Variants in KCNQ3 observed in about 807,000 individuals in gnomAD.
KCNQ3 encodes the protein potassium voltage-gated channel subfamily KQT member 3.
Under a neutral mutation model 92.5 loss-of-function variants are expected in KCNQ3, and 30 were observed. That is an observed-to-expected ratio of 0.32 (90% CI 0.24 to 0.44). KCNQ3 has a LOEUF of 0.44. Ranked by LOEUF, KCNQ3 falls within the 20% of genes least tolerant of loss-of-function variation. The pLI is 1.00. For synonymous variants in KCNQ3, 450 were observed against 468.8 expected, an observed-to-expected ratio of 0.96 and a Z score of 0.52; for missense variants, 913 against 1,140.3, an observed-to-expected ratio of 0.80 and a Z score of 2.87.
At chr8:132,170,742 T>C (rs1412163988) in intron 7 of KCNQ3, among the ~76,000 whole-genome samples, 1 of 151,564 alleles carries the variant, frequency 6.6e-6, no homozygotes, top group Non-Finnish European at 1.5e-5. Context: ...GCCGGTGCTA[T>C]GGCTCACGCC....
At chr8:132,188,214 G>A (rs1827061130) in intron 1 of KCNQ3, among the ~76,000 whole-genome samples, 1 of 152,154 alleles carries the variant, frequency 6.6e-6, no homozygotes, top group South Asian at 2.1e-4. Flanking sequence ...TCTGCCTAGA[G>A]CTCACCATGA....
intron 1 of KCNQ3, among the ~76,000 whole-genome samples, chr8:132,301,796 G>C (rs1468383465): frequency 6.6e-6 from 1 of 152,164 alleles, no homozygotes; most frequent in Non-Finnish European, 1.5e-5. Flanking sequence ...GGCACATTGA[G>C]ACTGAGACTG....
intron 1 of KCNQ3, among the ~76,000 whole-genome samples, chr8:132,445,158 G>A (rs1277230785): frequency 6.6e-6 from 1 of 152,150 alleles, no homozygotes; most frequent in Non-Finnish European, 1.5e-5. Flanking sequence ...AAAAGGGGTG[G>A]ACTGACATTT....
intron 1 of KCNQ3, among the ~76,000 whole-genome samples, chr8:132,354,657 T>G (rs2130710850): frequency 6.6e-6 from 1 of 152,348 alleles, no homozygotes; most frequent in Non-Finnish European, 1.5e-5. Context: ...GAGCCAATGC[T>G]ACTTCTGATG....
intron 1 of KCNQ3, among the ~76,000 whole-genome samples, chr8:132,369,458 A>G (rs1384873216): frequency 1.3e-5 from 2 of 152,126 alleles, no homozygotes; most frequent in Non-Finnish European, 1.5e-5. Context: ...CCCATTGTCC[A>G]ATAAAAGAAA....
chr8:132,213,006 C>A (rs1042514378), intron 1 of KCNQ3, among the ~76,000 whole-genome samples: 1 of 152,152 alleles, frequency 6.6e-6, no homozygotes, highest in Non-Finnish European at 1.5e-5. Context: ...GTTCAGGACA[C>A]CTGCATGACA....
chr8:132,335,899 A>C (rs1586936703), intron 1 of KCNQ3, among the ~76,000 whole-genome samples: 1 of 152,078 alleles, frequency 6.6e-6, no homozygotes, highest in African/African-American at 2.4e-5. Flanking sequence ...GGACTCCTGC[A>C]CCTGCCTGTG....
At chr8:132,472,562 C>T (rs568404976) in intron 1 of KCNQ3, among the ~76,000 whole-genome samples, 12 of 152,044 alleles carry the variant, frequency 7.9e-5, no homozygotes, top group Admixed American at 3.3e-4. Context: ...AAATGTTGAT[C>T]TCATGGAGTA....
In KCNQ3 at chr8:132,480,850, C is replaced by T. The variant is rs577534558; in HGVS notation, c.-318G>A. ...GCGGAGGCGCTAGGGCGCGCGGCGG[C>T]GGGAGCCTGGAACCGGCGCTCCGGG... On this transcript the variant is annotated 5_prime_UTR_variant, in exon 1 of 15. Transcript: ENST00000388996. The T allele has an allele frequency of 0.024, 3,707 of 156,868 alleles. 122 individuals carry two copies. The highest frequency in any genetic ancestry group is 0.072 in the African/African-American group (2,955 of 40,870). 9.7% of individuals were successfully genotyped at this position (156,868 alleles called of 1,614,324 possible).
chr8:132,138,304 A>G (rs1825173212), intron 11 of KCNQ3, among the ~76,000 whole-genome samples: 1 of 152,242 alleles, frequency 6.6e-6, no homozygotes, highest in Non-Finnish European at 1.5e-5. Context: ...GAGCTTAATT[A>G]ATGCTTTATG....
intron 8 of KCNQ3, among the ~76,000 whole-genome samples, chr8:132,169,405 T>C (rs1225313745): frequency 6.6e-6 from 1 of 152,232 alleles, no homozygotes; most frequent in Non-Finnish European, 1.5e-5. Context: ...ATCCAATGCA[T>C]ATTAATTTTG....
chr8:132,186,962 G>GAGAGAA (rs1826986809), intron 1 of KCNQ3, among the ~76,000 whole-genome samples: 3 of 137,640 alleles, frequency 2.2e-5, no homozygotes, highest in African/African-American at 8.4e-5. Context: ...GAGACAGAGA[G>GAGAGAA]AGAGAGAGAG....
chr8:132,370,251 T>C (rs6992843), intron 1 of KCNQ3, among the ~76,000 whole-genome samples: 51,275 of 152,128 alleles, frequency 0.34, 9,157 homozygotes, highest in East Asian at 0.48. Flanking sequence ...TGTGATCCTC[T>C]TGGTGCCCAG....
At chr8:132,379,871 G>C (rs1017399677) in intron 1 of KCNQ3, among the ~76,000 whole-genome samples, 2 of 149,716 alleles carry the variant, frequency 1.3e-5, no homozygotes, top group African/African-American at 4.9e-5. Context: ...AGAAGCTCCT[G>C]AGGAAATCTT....
At chr8:132,424,254 T>C (rs2130815061) in intron 1 of KCNQ3, among the ~76,000 whole-genome samples, 1 of 152,014 alleles carries the variant, frequency 6.6e-6, no homozygotes, top group East Asian at 2.0e-4. Context: ...AGAATAGACG[T>C]GCCCCCCACC....
rs953957201 is a variant in KCNQ3, at chr8:132,261,781, C to T, written c.387-75600G>A. 2.6e-5 allele frequency among the ~76,000 whole-genome samples: 4 copies of T among 152,212 alleles called. No individual in the cohort carries two copies. In the South Asian group the frequency reaches 6.2e-4, roughly 24 times the overall value. On this transcript the variant is annotated intron_variant, in intron 1 of 14. Coordinates refer to ENST00000388996, the MANE Select transcript of KCNQ3 (RefSeq NM_004519.4). ...GCCAACACCCTGCTTGGGAATGAGG[C>T]TTCTCTGCGGGTTTGCATCTAGGCT...
chr8:132,300,733 T>C (rs1817186856), intron 1 of KCNQ3, among the ~76,000 whole-genome samples: 1 of 152,218 alleles, frequency 6.6e-6, no homozygotes, highest in South Asian at 2.1e-4. Flanking sequence ...AAAGATGTTT[T>C]AAACTGTATC....
intron 1 of KCNQ3, among the ~76,000 whole-genome samples, chr8:132,297,049 C>T (rs1376835766): frequency 6.6e-6 from 1 of 152,084 alleles, no homozygotes; most frequent in Non-Finnish European, 1.5e-5. Context: ...TCTCCAGCAT[C>T]TGTTGTTTCC....
rs1824447120 is a variant in KCNQ3, at chr8:132,120,892, G to A, written c.*8370C>T. On this transcript the variant is annotated 3_prime_UTR_variant, in exon 15 of 15. Coordinates refer to ENST00000388996, the MANE Select transcript of KCNQ3 (RefSeq NM_004519.4). ...AAATGTCTATTTATTAATAAGTGGT[G>A]CAGTATTTATTTAAGATAGAACATA... 6.6e-6 allele frequency: 1 copy of A among 152,188 alleles called. No homozygotes were observed. Among genetic ancestry groups the A allele is most frequent in the Non-Finnish European group, 1.5e-5 (1 of 68,036 alleles). The allele number at this position is 152,188 out of a possible 1,614,324, so 9.4% of individuals were successfully genotyped here. A position where few individuals can be genotyped will look rare whatever the true frequency, so the allele number is the denominator to read the frequency against.
Sources: allele counts gnomAD v4.1 joint callset (sites outside exome capture counted in the v4.1 genomes callset), GRCh38; gene constraint gnomAD v4.1.1; transcripts MANE v1.5; gene names NCBI Gene and HGNC (gene_info 2026-07-23, HGNC 2026-07-21).